The following STIM1 variants were observed in gnomAD, a reference collection of about 807,000 sequenced individuals.
The protein encoded by STIM1 is stromal interaction molecule 1.
Under a neutral mutation model 74.7 loss-of-function variants are expected in STIM1, and 25 were observed. The ratio of observed to expected loss-of-function variants is 0.33; its 90% confidence interval spans 0.24 to 0.47. The LOEUF is 0.47. STIM1 is among the 20% of genes least tolerant of loss of function. The pLI is 1.00. For missense variants in STIM1, 728 were observed against 920.8 expected, an observed-to-expected ratio of 0.79 and a Z score of 2.71; for synonymous variants, 328 against 348.8, an observed-to-expected ratio of 0.94 and a Z score of 0.66.
intron 1 of STIM1, among the ~76,000 whole-genome samples, chr11:3,914,630 TGGGG>T (rs1399280972): frequency 6.6e-6 from 1 of 152,090 alleles, no homozygotes; most frequent in Non-Finnish European, 1.5e-5. Context: ...TTAGTGGAGA[TGGGG>T]TTTCACCATA....
chr11:3,931,507 C>T (rs73425498), intron 1 of STIM1, among the ~76,000 whole-genome samples: 10,032 of 152,132 alleles, frequency 0.066, 981 homozygotes, highest in African/African-American at 0.22. Context: ...TAGGACTTAA[C>T]ACCTTTAGAA....
chr11:3,994,458 T>G (rs1342068621), intron 2 of STIM1, among the ~76,000 whole-genome samples: 1 of 139,356 alleles, frequency 7.2e-6, no homozygotes, highest in Non-Finnish European at 1.6e-5. Context: ...TTCTCCTTTT[T>G]CTTTCTTTTT....
chr11:4,071,516 T>A (rs1193830218), intron 6 of STIM1, among the ~76,000 whole-genome samples: 2 of 152,090 alleles, frequency 1.3e-5, no homozygotes, highest in Non-Finnish European at 1.5e-5. Context: ...CTAATTTTTT[T>A]ATTTTTTGTA....
intron 7 of STIM1, among the ~76,000 whole-genome samples, chr11:4,081,736 T>C (rs1239084098): frequency 2.6e-5 from 4 of 152,242 alleles, no homozygotes; most frequent in Non-Finnish European, 5.9e-5. Flanking sequence ...CACAACCAGT[T>C]AAGCGACAGA....
intron 5 of STIM1, among the ~76,000 whole-genome samples, chr11:4,068,857 G>A (rs2094385351): frequency 6.6e-6 from 1 of 152,150 alleles, no homozygotes; most frequent in African/African-American, 2.4e-5. Flanking sequence ...TTTTTCTGGT[G>A]TCTTGACCTT....
intron 2 of STIM1, among the ~76,000 whole-genome samples, chr11:4,021,495 G>A (rs1008808425): frequency 4.6e-5 from 7 of 152,174 alleles, no homozygotes; most frequent in Admixed American, 1.3e-4. Context: ...AAAATCAATT[G>A]GCTATACATA....
At chr11:3,973,779 G>T (rs746093336) in intron 2 of STIM1, 6 of 292,632 alleles carry the variant, frequency 2.1e-5, no homozygotes, top group African/African-American at 4.3e-5. Flanking sequence ...AGTGGTGTGC[G>T]CATGGCTCAC....
At chr11:4,037,159 A>G (rs2094110888) in intron 3 of STIM1, among the ~76,000 whole-genome samples, 1 of 151,674 alleles carries the variant, frequency 6.6e-6, no homozygotes, top group Non-Finnish European at 1.5e-5. Context: ...GGGTTCAGGC[A>G]ATTCTCCTGC....
intron 2 of STIM1, among the ~76,000 whole-genome samples, chr11:3,988,473 T>G (rs951051805): frequency 6.6e-6 from 1 of 152,198 alleles, no homozygotes. Flanking sequence ...TTTTTTAAAG[T>G]TATTCCAGTG....
At chr11:3,859,654 G>A (rs2090521854) in intron 1 of STIM1, among the ~76,000 whole-genome samples, 1 of 152,244 alleles carries the variant, frequency 6.6e-6, no homozygotes, top group African/African-American at 2.4e-5. Context: ...CTCTGATGGA[G>A]TGGCAGGCCA....
chr11:3,992,413 C>CA (rs994421914), intron 2 of STIM1, among the ~76,000 whole-genome samples: 11 of 149,480 alleles, frequency 7.4e-5, no homozygotes, highest in African/African-American at 2.5e-4. Context: ...GACTCTGTCT[C>CA]AAAAAAAAAT....
chr11:4,035,436 C>A (rs1016985158), intron 3 of STIM1, among the ~76,000 whole-genome samples: 1 of 151,902 alleles, frequency 6.6e-6, no homozygotes, highest in Non-Finnish European at 1.5e-5. Flanking sequence ...TTGAGAGATT[C>A]TTTTTGCCCT....
In STIM1 at chr11:4,039,585, CAA is replaced by C. The variant is rs549132163; in HGVS notation, c.385+15617_385+15618del. On this transcript the variant is annotated intron_variant, in intron 3 of 12. Coordinates refer to ENST00000526596, the MANE Select transcript of STIM1 (RefSeq NM_001382567.1). ...TGGGCAACAGAGTAAGACTCCATCT[CAA>C]AAAAAAAAAAAAAAAAAACGAAAGA... Among the ~76,000 whole-genome samples the C allele has an allele frequency of 5.5e-3, 297 of 54,486 alleles. No homozygotes were observed. The South Asian group carries it at 0.062, about 11-fold the overall frequency. The allele number at this position is 54,486 out of a possible 152,430, so 35.7% of individuals were successfully genotyped here. A position where few individuals can be genotyped will look rare whatever the true frequency, so the allele number is the denominator to read the frequency against.
chr11:4,070,236 C>A (rs200064102), intron 6 of STIM1, 33 bp downstream of exon 6: 9 of 1,612,464 alleles, frequency 5.6e-6, no homozygotes, highest in African/African-American at 1.3e-5. Flanking sequence ...AGGTGAGGCC[C>A]TGCCAGTTCT....
At chr11:3,916,258 C>T (rs1369478509) in intron 1 of STIM1, among the ~76,000 whole-genome samples, 1 of 151,208 alleles carries the variant, frequency 6.6e-6, no homozygotes, top group Non-Finnish European at 1.5e-5. Context: ...ACTTTAAACC[C>T]TTGAATGTGT....
At chr11:4,056,501 G>T (rs1044860857) in intron 4 of STIM1, among the ~76,000 whole-genome samples, 1 of 152,238 alleles carries the variant, frequency 6.6e-6, no homozygotes, top group East Asian at 1.9e-4. Context: ...CCCTCAAAGG[G>T]CTTACTATCT....
intron 1 of STIM1, among the ~76,000 whole-genome samples, chr11:3,927,710 A>G (rs1380946897): frequency 6.6e-6 from 1 of 152,206 alleles, no homozygotes; most frequent in Non-Finnish European, 1.5e-5. Flanking sequence ...CAGTGGAAGC[A>G]GAGGCATCCT....
intron 2 of STIM1, among the ~76,000 whole-genome samples, chr11:4,008,690 C>T (rs371977536): frequency 2.6e-5 from 4 of 152,166 alleles, no homozygotes; most frequent in African/African-American, 9.7e-5. Flanking sequence ...GGCACACTCA[C>T]ACACCCACAC....
chr11:4,084,856 T>TCACGCCCCTGCCTGCTC, intron 11 of STIM1, 91 bp downstream of exon 11: 1 of 1,041,892 alleles, frequency 9.6e-7, no homozygotes, highest in Non-Finnish European at 1.3e-6. Context: ...CCTGCCTGCT[T>TCACGCCCCTGCCTGCTC]CACGCCCCTG....
Sources: gnomAD v4.1 joint callset for allele counts (sites outside exome capture counted in the v4.1 genomes callset) on GRCh38, gnomAD v4.1.1 for gene constraint, MANE v1.5 for transcripts, NCBI Gene and HGNC (gene_info 2026-07-23, HGNC 2026-07-21) for gene names.